CLSTN3: variants seen among roughly 807,000 people sequenced by gnomAD.
The protein encoded by CLSTN3 is calsyntenin 3, also known as calsyntenin-3.
A neutral mutation model predicts 95.9 loss-of-function variants in CLSTN3; 36 were observed. That is an observed-to-expected ratio of 0.38 (90% confidence interval 0.29 to 0.50). CLSTN3 has a LOEUF of 0.50. Ranked by LOEUF, CLSTN3 falls within the 20% of genes least tolerant of loss-of-function variation. The probability of loss-of-function intolerance (pLI) is 0.95; values close to 1 mark genes in which losing one functional copy is unlikely to be tolerated. For missense variants in CLSTN3, 1,084 were observed against 1,268.8 expected, an observed-to-expected ratio of 0.85 and a Z score of 2.21; for synonymous variants, 481 against 504.0, an observed-to-expected ratio of 0.95 and a Z score of 0.61.
Position 7,157,424 on chromosome 12 carries a change from CCCCTGTCCAAGT to C in CLSTN3, c.2528-64_2528-53del. ...CGGGCTGCCTCTTTTCCTACCCAGC[CCCCTGTCCAAGT>C]GCCCCCAGGTGTGCCTAGTCACGCT... is the stretch of plus-strand genomic sequence containing the variant. On this transcript the variant is annotated intron_variant, in intron 16 of 17. Transcript: ENST00000266546. The surrounding 1 kb of genome is among the most constrained non-coding windows in gnomAD (Gnocchi z 5.9). 1 of 1,422,542 alleles carries C rather than the reference CCCCTGTCCAAGT, an allele frequency of 7.0e-7. No individual in the cohort carries two copies. The highest frequency in any genetic ancestry group is 2.4e-5 in the East Asian group (1 of 42,258). 88.1% of individuals were successfully genotyped at this position (1,422,542 alleles called of 1,614,324 possible).
intron 12 of CLSTN3, among the ~76,000 whole-genome samples, chr12:7,147,396 CAAAAAAAAA>C (rs56109046): frequency 7.3e-4 from 37 of 50,520 alleles, no homozygotes; most frequent in Non-Finnish European, 7.4e-4. Flanking sequence ...GAGACTCTGC[CAAAAAAAAA>C]AAAAAAAAAA....
chr12:7,153,655 T>C (rs1317142222), intron 16 of CLSTN3, among the ~76,000 whole-genome samples: 1 of 152,224 alleles, frequency 6.6e-6, no homozygotes. Flanking sequence ...TTCTTGTGAT[T>C]CCATAGCACT....
At chr12:7,129,526 G>T, upstream of CLSTN3, 2 of 794,226 alleles carry the variant, frequency 2.5e-6, no homozygotes, top group African/African-American at 3.7e-5. The surrounding 1 kb of genome is among the most constrained non-coding windows in gnomAD (Gnocchi z 5.5). Context: ...CTATTCTGGA[G>T]AATTTTATTC....
In CLSTN3 at chr12:7,137,643, T is replaced by C. The variant is rs1939451886; in HGVS notation, c.1211-312T>C. ...GAAAAGGGTTGTCACCCATGATGTATGTATTAACCAAAGGACTGATGAAGA... is the reference window on the plus strand; with the variant it reads ...GAAAAGGGTTGTCACCCATGATGTACGTATTAACCAAAGGACTGATGAAGA... On this transcript the variant is annotated intron_variant, in intron 7 of 17. Coordinates refer to ENST00000266546, the MANE Select transcript of CLSTN3 (RefSeq NM_014718.4). This position sits in a 1 kb window ranked among gnomAD's most constrained non-coding sequence, Gnocchi z 4.4. Among the ~76,000 whole-genome samples the C allele has an allele frequency of 6.6e-6, 1 of 152,094 alleles. No homozygotes were observed. Among genetic ancestry groups the C allele is most frequent in the South Asian group, 2.1e-4 (1 of 4,820 alleles).
chr12:7,142,166 CAG>C (rs1180215014), intron 10 of CLSTN3, 27 bp downstream of exon 10: 1 of 1,570,760 alleles, frequency 6.4e-7, no homozygotes, highest in East Asian at 2.2e-5. Flanking sequence ...AACTGGAGAC[CAG>C]AGAGTTCTCA....
intron 12 of CLSTN3, among the ~76,000 whole-genome samples, chr12:7,145,529 T>G (rs116614960): frequency 0.011 from 1,625 of 152,254 alleles, 24 homozygotes; most frequent in African/African-American, 0.035. Flanking sequence ...ATGCAACTAT[T>G]TGGTCAATGC....
chr12:7,157,427 CT>C lies in CLSTN3; in HGVS notation c.2528-61del. ...GCTGCCTCTTTTCCTACCCAGCCCC[CT>C]GTCCAAGTGCCCCCAGGTGTGCCTA... On this transcript the variant is annotated intron_variant, in intron 16 of 17. Coordinates refer to ENST00000266546, the MANE Select transcript of CLSTN3 (RefSeq NM_014718.4). The surrounding 1 kb of genome is among the most constrained non-coding windows in gnomAD (Gnocchi z 5.9). 2 of 1,442,564 alleles carry C rather than the reference CT, an allele frequency of 1.4e-6. No homozygotes were observed. The highest frequency in any genetic ancestry group is 1.9e-6 in the Non-Finnish European group (2 of 1,075,518). The allele number at this position is 1,442,564 out of a possible 1,614,324, so 89.4% of individuals were successfully genotyped here.
chr12:7,137,295 C>T lies in CLSTN3; in HGVS notation c.1210+185C>T. ...CAACATGACATGTTGGATCGTACTG[C>T]TGTCAGAGTGCAATGGGATTCCTTG... On this transcript the variant is annotated intron_variant, in intron 7 of 17. Coordinates refer to ENST00000266546, the MANE Select transcript of CLSTN3 (RefSeq NM_014718.4). This position sits in a 1 kb window ranked among gnomAD's most constrained non-coding sequence, Gnocchi z 4.4. 1 of 623,064 alleles carries T rather than the reference C, an allele frequency of 1.6e-6. No individual in the cohort carries two copies. The highest frequency in any genetic ancestry group is 2.8e-6 in the Non-Finnish European group (1 of 361,062). 38.6% of individuals were successfully genotyped at this position (623,064 alleles called of 1,614,324 possible).
At chr12:7,134,366 G>T (rs1939365258) in intron 3 of CLSTN3, among the ~76,000 whole-genome samples, 1 of 152,224 alleles carries the variant, frequency 6.6e-6, no homozygotes, top group African/African-American at 2.4e-5. Flanking sequence ...TACGCTTGTT[G>T]CCAGCTAACT....
rs192085039 is a variant in CLSTN3 at position 7,133,837 on chromosome 12, C to G, written c.383+69C>G. ...CCTCCCTGCTCCCAAGCCCACCATC[C>G]TCTGTCCGTGCGGTCATCGAATATC... On this transcript the variant is annotated intron_variant, in intron 3 of 17. Coordinates refer to ENST00000266546, the MANE Select transcript of CLSTN3 (RefSeq NM_014718.4). The surrounding 1 kb of genome is among the most constrained non-coding windows in gnomAD (Gnocchi z 4.7). The G allele has an allele frequency of 2.4e-4, 312 of 1,323,358 alleles. 2 individuals are homozygous for G. In the Admixed American group the frequency reaches 3.1e-3, roughly 13 times the overall value. 82.0% of individuals were successfully genotyped at this position (1,323,358 alleles called of 1,614,324 possible).
chr12:7,130,352 G>A, upstream of CLSTN3: 1 of 1,258,508 alleles, frequency 7.9e-7, no homozygotes, highest in Non-Finnish European at 1.0e-6. Flanking sequence ...ATCAATCGTT[G>A]CCCGGCTGTG....
At chr12:7,151,811 A>G (rs1939728388) in intron 16 of CLSTN3, among the ~76,000 whole-genome samples, 1 of 152,160 alleles carries the variant, frequency 6.6e-6, no homozygotes, top group Non-Finnish European at 1.5e-5. Flanking sequence ...ATCCCAACAC[A>G]CTAGGCTGAG....
Position 7,149,476 on chromosome 12 carries a change from C to T in CLSTN3, c.2075-47C>T, listed in dbSNP as rs756636154. 18 of 1,561,680 alleles carry T rather than the reference C, an allele frequency of 1.2e-5. No homozygotes were observed. The highest frequency in any genetic ancestry group is 1.5e-5 in the Non-Finnish European group (17 of 1,146,390). On this transcript the variant is annotated intron_variant, in intron 13 of 17. Coordinates refer to ENST00000266546, the MANE Select transcript of CLSTN3 (RefSeq NM_014718.4). This position sits in a 1 kb window ranked among gnomAD's most constrained non-coding sequence, Gnocchi z 4.5. The stretch of plus-strand genomic sequence containing the variant: ...AGGGCATGGTTGGGTCTCAGAACCT[C>T]CGTGGGCCCTTTGGCTCTGACCCAG...
upstream of CLSTN3, chr12:7,129,585 G>A: frequency 8.1e-6 from 8 of 984,474 alleles, no homozygotes; most frequent in Non-Finnish European, 9.6e-6. The surrounding 1 kb of genome is among the most constrained non-coding windows in gnomAD (Gnocchi z 5.5). Flanking sequence ...AGTCATCGAT[G>A]AGACCGTAAC....
Position 7,148,981 on chromosome 12 carries a change from C to G in CLSTN3, c.1857C>G (p.Ser619Arg), listed in dbSNP as rs774454301. 6.2e-7 allele frequency: 1 copy of G among 1,613,898 alleles called. No individual in the cohort carries two copies. Among genetic ancestry groups the G allele is most frequent in the Non-Finnish European group, 8.5e-7 (1 of 1,179,830 alleles). The change falls in exon 13 of 18, where the codon AGC (serine) becomes AGG (arginine). Residue 619 changes from serine to arginine, a missense_variant. Coordinates refer to ENST00000266546, the MANE Select transcript of CLSTN3 (RefSeq NM_014718.4). ...LRLTTAVKCFSEESCVSIPEV... is the reference protein window; with the variant it reads ...LRLTTAVKCFREESCVSIPEV... ...CTGCTTTCTTACATAGGTGCTTCAG[C>G]GAAGAGTCCTGCGTCTCCATCCCTG...
chr12:7,150,791 G>C lies in CLSTN3; in HGVS notation c.2391+102G>C, dbSNP rs1157291029. On this transcript the variant is annotated intron_variant, in intron 15 of 17. Coordinates refer to ENST00000266546, the MANE Select transcript of CLSTN3 (RefSeq NM_014718.4). The surrounding 1 kb of genome is among the most constrained non-coding windows in gnomAD (Gnocchi z 4.0). ...AGTTGGTGGGCATGGACATGGCAGCGTGGAGGGCTGCTGGACCTTGCAGTG... is the reference window on the plus strand; with the variant it reads ...AGTTGGTGGGCATGGACATGGCAGCCTGGAGGGCTGCTGGACCTTGCAGTG... The C allele has an allele frequency of 1.1e-5, 17 of 1,558,648 alleles. No homozygotes were observed. The highest frequency in any genetic ancestry group is 1.5e-5 in the Non-Finnish European group (17 of 1,142,732).
At chr12:7,147,520 T>TC (rs948756704) in intron 12 of CLSTN3, among the ~76,000 whole-genome samples, 1 of 149,518 alleles carries the variant, frequency 6.7e-6, no homozygotes, top group African/African-American at 2.5e-5. Flanking sequence ...CTTTTCTTCT[T>TC]TTTTTTTTTG....
At chr12:7,136,103 C>T in intron 5 of CLSTN3, 103 bp from the exon 6 acceptor site, 2 of 1,506,842 alleles carry the variant, frequency 1.3e-6, no homozygotes, top group Non-Finnish European at 1.8e-6. Context: ...GCCATCCTGC[C>T]AGGAGCCCCA....
chr12:7,137,132 T>A lies in CLSTN3; in HGVS notation c.1210+22T>A, dbSNP rs772695527. The A allele has an allele frequency of 6.3e-7, 1 of 1,581,652 alleles. No individual in the cohort carries two copies. Among genetic ancestry groups the A allele is most frequent in the South Asian group, 1.1e-5 (1 of 88,966 alleles). On this transcript the variant is annotated intron_variant, in intron 7 of 17. Coordinates refer to ENST00000266546, the MANE Select transcript of CLSTN3 (RefSeq NM_014718.4). This position sits in a 1 kb window ranked among gnomAD's most constrained non-coding sequence, Gnocchi z 4.4. ...AATGGTGAGCCTCCCCTCCAGGCAC[T>A]AGCCAGAGGGGGAAACTGGCTTCTT...
Sources: gnomAD v4.1 joint callset for allele counts (sites outside exome capture counted in the v4.1 genomes callset) on GRCh38, gnomAD v4.1.1 for gene constraint, Gnocchi (gnomAD v3.1) non-coding constraint, MANE v1.5 for transcripts, NCBI Gene and HGNC (gene_info 2026-07-23, HGNC 2026-07-21) for gene names.